The following EEF1D variants were observed in gnomAD, a reference collection of about 807,000 sequenced individuals.
The protein encoded by EEF1D is eukaryotic translation elongation factor 1 delta.
In EEF1D, 47 loss-of-function variants were observed where a neutral mutation model predicts 63.9. The observed-to-expected ratio is 0.74, with a 90% CI of 0.58 to 0.94. EEF1D has a LOEUF of 0.94. Ranked by LOEUF, EEF1D falls within the 40% of genes least tolerant of loss-of-function variation. The pLI is 0.00. For missense variants in EEF1D, 907 were observed against 899.0 expected (o/e 1.01, Z -0.11); for synonymous variants, 412 against 386.1 (o/e 1.07, Z -0.79).
Position 143,589,188 on chromosome 8 carries a change from GGCCTCCCCATCGGCCCGTC to G in EEF1D, c.875_893del (p.Arg292ProfsTer64). The G allele has an allele frequency of 6.3e-7, 1 of 1,596,804 alleles. No homozygotes were observed. Among genetic ancestry groups the G allele is most frequent in the Non-Finnish European group, 8.5e-7 (1 of 1,170,230 alleles). ...AGTAACAGTAGGGCAAGGCAGAGGG[GGCCTCCCCATCGGCCCGTC>G]GCAGCCCGGCCCGCTTGTTCCCTAA... is the stretch of plus-strand genomic sequence containing the variant. On this transcript the variant is annotated frameshift_variant, in exon 3 of 10. Coordinates refer to ENST00000618139, the MANE Select transcript of EEF1D (RefSeq NM_001130053.5). LOFTEE classifies it high-confidence loss of function.
Position 143,586,816 on chromosome 8 carries a change from C to G in EEF1D, c.1128G>C (p.Lys376Asn), listed in dbSNP as rs933918739. The change falls in exon 4 of 10, where the codon AAG becomes AAC. Residue 376 changes from lysine (K) to asparagine (N), a missense_variant. Lys to Asn is a moderately conservative substitution (Grantham distance 94). Coordinates refer to ENST00000618139, the MANE Select transcript of EEF1D (RefSeq NM_001130053.5). ...CATATTTGAACTTGTCGAACCAGAT[C>G]TTCTCATGTGCTAGGAAGTTTGTAG... Reference protein sequence around the residue: ...KMATNFLAHEKIWFDKFKYDD... With the variant: ...KMATNFLAHENIWFDKFKYDD... 6.2e-7 allele frequency: 1 copy of G among 1,614,192 alleles called. No homozygotes were observed.
chr8:143,581,500 A>G, intron 5 of EEF1D, 172 bp from the exon 6 acceptor site: 1 of 610,452 alleles, frequency 1.6e-6, no homozygotes, highest in Admixed American at 3.0e-5. Flanking sequence ...CGGCCACCAC[A>G]GACCACAGTG....
rs760761369 is a variant in EEF1D, at chr8:143,589,463, C to T, written c.619G>A (p.Asp207Asn). The T allele has an allele frequency of 7.3e-5, 112 of 1,527,720 alleles. 1 individual carries two copies. Among genetic ancestry groups the T allele is most frequent in the Non-Finnish European group, 8.2e-5 (93 of 1,133,752 alleles). The allele number at this position is 1,527,720 out of a possible 1,614,324, so 94.6% of individuals were successfully genotyped here. The change falls in exon 3 of 10, where the codon GAC becomes AAC. Residue 207 changes from aspartate to asparagine, a missense_variant. Coordinates refer to ENST00000618139, the MANE Select transcript of EEF1D (RefSeq NM_001130053.5). Reference protein sequence around the residue: ...PNTGQQVAVPDLAHQPSPPVN... With the variant: ...PNTGQQVAVPNLAHQPSPPVN... ...GGTGGGCTGGGCTGGTGGGCCAGGT[C>T]GGGGACGGCCACCTGCTGGCCTGTG...
Position 143,590,231 on chromosome 8 carries a change from T to C in EEF1D, c.1-150A>G, listed in dbSNP as rs958704427. The C allele has an allele frequency of 4.0e-6, 4 of 997,912 alleles. No individual in the cohort carries two copies. In the Admixed American group the frequency reaches 6.9e-5, roughly 17 times the overall value. 61.8% of individuals were successfully genotyped at this position (997,912 alleles called of 1,614,324 possible). On this transcript the variant is annotated intron_variant, in intron 2 of 9. Coordinates refer to ENST00000618139, the MANE Select transcript of EEF1D (RefSeq NM_001130053.5). ...AGGATGCTCCCCAGTGGGGCTTCCA[T>C]GAGATGACATTCGAGGACTTCGAAG...
intron 8 of EEF1D, 56 bp downstream of exon 8, chr8:143,580,450 C>CT (rs1176380840): frequency 6.4e-7 from 1 of 1,574,420 alleles, no homozygotes; most frequent in Non-Finnish European, 8.7e-7. Flanking sequence ...GCTGAGCCGG[C>CT]TAGGCGGGCA....
chr8:143,589,186 G>A lies in EEF1D; in HGVS notation c.896C>T (p.Pro299Leu). 6.3e-7 allele frequency: 1 copy of A among 1,597,678 alleles called. No individual in the cohort carries two copies. Among genetic ancestry groups the A allele is most frequent in the Non-Finnish European group, 8.5e-7 (1 of 1,170,752 alleles). ...GAAGTAACAGTAGGGCAAGGCAGAGGGGGCCTCCCCATCGGCCCGTCGCAG... is the reference window on the plus strand; with the variant it reads ...GAAGTAACAGTAGGGCAAGGCAGAGAGGGCCTCCCCATCGGCCCGTCGCAG... ...AGLRRADGEA[P>L]SALPYCYFLQ... The change falls in exon 3 of 10, where the codon CCC (proline) becomes CTC (leucine). Residue 299 changes from proline to leucine, a missense_variant. By Grantham distance (98) the Pro-to-Leu change is moderately conservative. Transcript: ENST00000618139.
At chr8:143,586,912 G>A (rs1038177422) in intron 3 of EEF1D, 60 bp from the exon 4 acceptor site, 2 of 1,596,916 alleles carry the variant, frequency 1.3e-6, no homozygotes, top group East Asian at 2.2e-5. Context: ...CATCAGGACA[G>A]CCCAGAAGCA....
At chr8:143,581,527 A>G in intron 5 of EEF1D, 199 bp from the exon 6 acceptor site, 1 of 597,950 alleles carries the variant, frequency 1.7e-6, no homozygotes, top group African/African-American at 1.9e-5. Flanking sequence ...TCAGCCAGGC[A>G]AAGTCCAGGA....
intron 8 of EEF1D, 116 bp from the exon 9 acceptor site, chr8:143,580,322 C>A: frequency 7.8e-7 from 1 of 1,285,234 alleles, no homozygotes; most frequent in Non-Finnish European, 1.1e-6. Flanking sequence ...CCTTAAAGGG[C>A]CCACAGAAAA....
chr8:143,589,862 G>A lies in EEF1D; in HGVS notation c.220C>T (p.Pro74Ser), dbSNP rs747658631. The change falls in exon 3 of 10, where the codon CCC becomes TCC. Residue 74 changes from proline (P) to serine (S), a missense_variant. Pro to Ser is a moderately conservative substitution (Grantham distance 74). Transcript: ENST00000618139. ...TTCCTGCTGTCCTGGCTCTTCCTGG[G>A]ATCACGCCTGCTGCCGCCGTCAGGG... is the stretch of plus-strand genomic sequence containing the variant. ...EAPDGGSRRDPRKSQDSRKPL... is the reference protein window; with the variant it reads ...EAPDGGSRRDSRKSQDSRKPL... 1 of 1,602,342 alleles carries A rather than the reference G, an allele frequency of 6.2e-7. No individual in the cohort carries two copies. Among genetic ancestry groups the A allele is most frequent in the African/African-American group, 1.3e-5 (1 of 74,850 alleles).
chr8:143,584,764 G>C (rs114307626), intron 5 of EEF1D, among the ~76,000 whole-genome samples: 1 of 151,872 alleles, frequency 6.6e-6, no homozygotes. Flanking sequence ...AAATGACAGC[G>C]GGGGGGACCA....
chr8:143,586,353 A>G, intron 4 of EEF1D, 63 bp from the exon 5 acceptor site: 2 of 1,422,870 alleles, frequency 1.4e-6, no homozygotes, highest in Non-Finnish European at 1.9e-6. Context: ...TAATTAAAAA[A>G]CAAACCAAAA....
chr8:143,585,515 C>T (rs562077211), intron 5 of EEF1D, among the ~76,000 whole-genome samples: 1 of 152,300 alleles, frequency 6.6e-6, no homozygotes, highest in South Asian at 2.1e-4. Flanking sequence ...CTGTTTCCAG[C>T]GTGAGGCTGT....
At position 143,580,214 on chromosome 8, in the gene EEF1D, G is replaced by C. The variant is rs1018481251; in HGVS notation, c.1711-8C>G. On this transcript the variant is annotated splice_region_variant and splice_polypyrimidine_tract_variant and intron_variant, in intron 8 of 9. Transcript: ENST00000618139. ...GTCCGTCTCATCATCCCACTGTGGGGAAAGGGGAGGAAAAGCTGGGGTCAG... is the reference window on the plus strand; with the variant it reads ...GTCCGTCTCATCATCCCACTGTGGGCAAAGGGGAGGAAAAGCTGGGGTCAG... The C allele has an allele frequency of 6.2e-7, 1 of 1,610,284 alleles. No individual in the cohort carries two copies. The highest frequency in any genetic ancestry group is 8.5e-7 in the Non-Finnish European group (1 of 1,177,702).
At chr8:143,585,724 C>G (rs755396422) in intron 5 of EEF1D, among the ~76,000 whole-genome samples, 7 of 152,358 alleles carry the variant, frequency 4.6e-5, no homozygotes, top group Non-Finnish European at 7.4e-5. Flanking sequence ...GCCTGGAGGC[C>G]AAGCAGGGAT....
chr8:143,596,700 A>T (rs1195607661), intron 1 of EEF1D: 1 of 152,304 alleles, frequency 6.6e-6, no homozygotes, highest in Non-Finnish European at 1.5e-5. Context: ...ACGTCTCATC[A>T]GGTCCCCAAC....
chr8:143,583,596 C>T (rs1479056526), intron 5 of EEF1D: 1 of 152,274 alleles, frequency 6.6e-6, no homozygotes, highest in Non-Finnish European at 1.5e-5. Context: ...ACGCAAGGCA[C>T]AAAGGAGCAC....
At chr8:143,585,263 T>G (rs903601719) in intron 5 of EEF1D, among the ~76,000 whole-genome samples, 1 of 151,988 alleles carries the variant, frequency 6.6e-6, no homozygotes, top group African/African-American at 2.4e-5. Context: ...ACCACGTAAG[T>G]GACAGAGCGA....
intron 7 of EEF1D, 141 bp from the exon 8 acceptor site, chr8:143,580,868 G>GCC: frequency 8.5e-7 from 1 of 1,176,352 alleles, no homozygotes; most frequent in South Asian, 1.4e-5. Context: ...TACATGCAGG[G>GCC]CCCCAGGAAA....
Sources: allele counts gnomAD v4.1 joint callset (sites outside exome capture counted in the v4.1 genomes callset), GRCh38; gene constraint gnomAD v4.1.1; transcripts MANE v1.5; gene names NCBI Gene and HGNC (gene_info 2026-07-23, HGNC 2026-07-21).